TBC1D32: variants seen among roughly 807,000 people sequenced by gnomAD.
TBC1D32 encodes TBC1 domain family member 32.
Under a neutral mutation model 170.3 loss-of-function variants are expected in TBC1D32, and 151 were observed. The observed-to-expected ratio is 0.89, with a 90% CI of 0.78 to 1.01. The LOEUF (loss-of-function observed/expected upper bound fraction) is 1.01. Ranked by LOEUF, TBC1D32 falls within the 50% of genes least tolerant of loss-of-function variation. The pLI is 0.00. For missense variants in TBC1D32, 1,464 were observed against 1,457.1 expected, an observed-to-expected ratio of 1.00 and a Z score of -0.08; for synonymous variants, 498 against 488.0, an observed-to-expected ratio of 1.02 and a Z score of -0.27.
chr6:121,080,721 C>A lies in TBC1D32; in HGVS notation c.*50G>T, dbSNP rs1328475067. 2 of 1,571,986 alleles carry A rather than the reference C, an allele frequency of 1.3e-6. No homozygotes were observed. The highest frequency in any genetic ancestry group is 1.7e-6 in the Non-Finnish European group (2 of 1,161,000). ...CACAGAAAAACATCAAGCCCCCCTG[C>A]TGTGTTTAAAAATAAATAAAACCTA... On this transcript the variant is annotated 3_prime_UTR_variant, in exon 32 of 32. Transcript: ENST00000398212.
chr6:121,160,649 G>C (rs1211378099), intron 23 of TBC1D32, among the ~76,000 whole-genome samples: 1 of 152,002 alleles, frequency 6.6e-6, no homozygotes, highest in East Asian at 1.9e-4. Flanking sequence ...GAATGAGAAA[G>C]ACATTGAAAG....
At chr6:121,151,307 G>A (rs554704575) in intron 24 of TBC1D32, among the ~76,000 whole-genome samples, 217 of 152,180 alleles carry the variant, frequency 1.4e-3, no homozygotes, top group African/African-American at 4.6e-3. Flanking sequence ...GTAGTTGTGC[G>A]GTTTTGAGTG....
intron 24 of TBC1D32, 135 bp downstream of exon 24, chr6:121,159,875 C>T (rs1424628502): frequency 1.8e-6 from 1 of 561,406 alleles, no homozygotes; most frequent in Non-Finnish European, 3.1e-6. Context: ...GAAAAAAATA[C>T]AAAGAAATAG....
intron 20 of TBC1D32, among the ~76,000 whole-genome samples, chr6:121,231,856 C>T (rs943600857): frequency 6.6e-6 from 1 of 152,120 alleles, no homozygotes; most frequent in Admixed American, 6.6e-5. Context: ...GATTTTCTCC[C>T]ACTCTGTGGG....
At chr6:121,266,893 A>G (rs1800568557) in intron 15 of TBC1D32, among the ~76,000 whole-genome samples, 1 of 151,994 alleles carries the variant, frequency 6.6e-6, no homozygotes, top group South Asian at 2.1e-4. Flanking sequence ...GGAGAACAAC[A>G]CACACCAGGG....
At chr6:121,131,774 T>C (rs577242659) in intron 24 of TBC1D32, 22 bp from the exon 25 acceptor site, 4 of 1,551,946 alleles carry the variant, frequency 2.6e-6, no homozygotes, top group East Asian at 4.5e-5. Flanking sequence ...GATAACATAC[T>C]ATTATAATAA....
At chr6:121,316,238 G>A (rs1407887286) in intron 3 of TBC1D32, among the ~76,000 whole-genome samples, 12 of 152,096 alleles carry the variant, frequency 7.9e-5, no homozygotes. Flanking sequence ...ATTTAGATCT[G>A]AATACCTGTA....
At chr6:121,153,797 G>A (rs1315237386) in intron 24 of TBC1D32, among the ~76,000 whole-genome samples, 1 of 152,032 alleles carries the variant, frequency 6.6e-6, no homozygotes, top group African/African-American at 2.4e-5. Context: ...ACATTGTGAG[G>A]GGAAAACCAC....
At chr6:121,122,368 T>C (rs1331800828) in intron 26 of TBC1D32, among the ~76,000 whole-genome samples, 1 of 151,994 alleles carries the variant, frequency 6.6e-6, no homozygotes, top group Non-Finnish European at 1.5e-5. Flanking sequence ...ATGTCATGCC[T>C]ATGTTCAAAA....
At chr6:121,272,810 G>A (rs141613768) in intron 15 of TBC1D32, among the ~76,000 whole-genome samples, 2,677 of 152,242 alleles carry the variant, frequency 0.018, 30 homozygotes, top group South Asian at 0.043. Context: ...ACATGCACAC[G>A]TATGTTTACT....
chr6:121,274,613 A>G (rs567369291), intron 15 of TBC1D32, among the ~76,000 whole-genome samples: 1 of 152,294 alleles, frequency 6.6e-6, no homozygotes, highest in African/African-American at 2.4e-5. Flanking sequence ...TGTCAATTTA[A>G]AAAGACACTC....
intron 22 of TBC1D32, among the ~76,000 whole-genome samples, chr6:121,188,936 T>C (rs1043221206): frequency 1.3e-5 from 2 of 152,120 alleles, no homozygotes; most frequent in African/African-American, 2.4e-5. Context: ...TTTGCTCCAA[T>C]AGATAAAACA....
intron 30 of TBC1D32, chr6:121,096,354 G>A (rs993283394): frequency 6.6e-6 from 1 of 151,874 alleles, no homozygotes; most frequent in Admixed American, 6.6e-5. Flanking sequence ...AAAGTCTCAG[G>A]ATACAAAATC....
intron 29 of TBC1D32, among the ~76,000 whole-genome samples, chr6:121,108,878 T>A (rs1778948463): frequency 6.6e-6 from 1 of 152,166 alleles, no homozygotes; most frequent in Admixed American, 6.6e-5. Context: ...GGGCTAAGGA[T>A]GTGCCACGCT....
chr6:121,105,982 A>G (rs757996856), intron 30 of TBC1D32, 41 bp downstream of exon 30: 2 of 1,528,732 alleles, frequency 1.3e-6, no homozygotes, highest in Non-Finnish European at 1.8e-6. Context: ...GAAGACACTG[A>G]GATAAAGGAG....
intron 26 of TBC1D32, among the ~76,000 whole-genome samples, chr6:121,122,087 T>C (rs909107815): frequency 6.6e-6 from 1 of 152,018 alleles, no homozygotes; most frequent in Non-Finnish European, 1.5e-5. Flanking sequence ...TCCATCCTCC[T>C]AGTAACTCAG....
At chr6:121,314,756 T>A (rs1211222356) in intron 3 of TBC1D32, among the ~76,000 whole-genome samples, 1 of 152,130 alleles carries the variant, frequency 6.6e-6, no homozygotes, top group Non-Finnish European at 1.5e-5. Context: ...TCCTCTAATT[T>A]CCCAAGCAGT....
At chr6:121,207,118 T>C (rs1792377878) in intron 21 of TBC1D32, among the ~76,000 whole-genome samples, 1 of 152,224 alleles carries the variant, frequency 6.6e-6, no homozygotes, top group South Asian at 2.1e-4. Flanking sequence ...TGACCTATTA[T>C]CACTATTTTT....
chr6:121,181,777 A>G (rs907153984), intron 22 of TBC1D32, among the ~76,000 whole-genome samples: 1 of 152,114 alleles, frequency 6.6e-6, no homozygotes, highest in African/African-American at 2.4e-5. Context: ...TACTAAACGG[A>G]ATATTATTCA....
Sources: gnomAD v4.1 joint callset for allele counts (sites outside exome capture counted in the v4.1 genomes callset) on GRCh38, gnomAD v4.1.1 for gene constraint, MANE v1.5 for transcripts, NCBI Gene and HGNC (gene_info 2026-07-23, HGNC 2026-07-21) for gene names.